Variants in CRYBG1 observed in about 807,000 individuals in gnomAD.
CRYBG1 encodes the protein beta/gamma crystallin domain-containing protein 1.
In CRYBG1, 139 loss-of-function variants were observed where a neutral mutation model predicts 189.2. That is an observed-to-expected ratio of 0.73 (90% CI 0.64 to 0.85). The LOEUF (loss-of-function observed/expected upper bound fraction) is 0.85, where lower values mean the gene tolerates loss of function less well. Ranked by LOEUF, CRYBG1 falls within the 40% of genes least tolerant of loss-of-function variation. CRYBG1 has a pLI of 0.00. For missense variants in CRYBG1, 2,611 were observed against 2,675.8 expected, an observed-to-expected ratio of 0.98 and a Z score of 0.53; for synonymous variants, 1,023 against 1,017.1, an observed-to-expected ratio of 1.01 and a Z score of -0.11.
In CRYBG1 at chr6:106,442,757, G is replaced by A. The variant is rs543607765; in HGVS notation, c.174-8937G>A. On this transcript the variant is annotated intron_variant, in intron 1 of 21. Coordinates refer to ENST00000633556, the MANE Select transcript of CRYBG1 (RefSeq NM_001371242.2). The stretch of plus-strand genomic sequence containing the variant: ...TTATATGCCACGGCAGAAACAAAGG[G>A]ACTCATACCCAGGAGCCCCTTAAAG... Among the ~76,000 whole-genome samples the A allele has an allele frequency of 2.6e-5, 4 of 152,250 alleles. No homozygotes were observed. In the East Asian group the frequency reaches 7.7e-4, roughly 29 times the overall value.
chr6:106,520,325 T>C lies in CRYBG1; in HGVS notation c.3117T>C (p.Pro1039=). 9.9e-6 allele frequency: 16 copies of C among 1,614,152 alleles called. No homozygotes were observed. The highest frequency in any genetic ancestry group is 1.4e-5 in the Non-Finnish European group (16 of 1,180,036). Residue 1039 remains proline (P), a synonymous_variant, in exon 4 of 22, where the codon CCT becomes CCC. Transcript: ENST00000633556. ...VIPPASEKTL[P]IQAQSQGSRT... ...CGCCAGCATCAGAGAAAACTCTGCCTATTCAGGCTCAAAGTCAGGGCAGCA... is the reference window on the plus strand; with the variant it reads ...CGCCAGCATCAGAGAAAACTCTGCCCATTCAGGCTCAAAGTCAGGGCAGCA...
chr6:106,373,342 G>T lies in CRYBG1; in HGVS notation c.173+12261G>T, dbSNP rs553307. Among the ~76,000 whole-genome samples, 15 of 152,052 alleles carry T rather than the reference G, an allele frequency of 9.9e-5. 1 individual carries two copies. Among genetic ancestry groups the T allele is most frequent in the South Asian group, 2.1e-4 (1 of 4,830 alleles). ...CCACAAAGTCTTAGTACCTGCTACT[G>T]GGGTGATTCACTGAGTATGTAAAGG... On this transcript the variant is annotated intron_variant, in intron 1 of 21. Transcript: ENST00000633556.
At chr6:106,363,117 G>A (rs1183876275) in intron 1 of CRYBG1, among the ~76,000 whole-genome samples, 1 of 150,436 alleles carries the variant, frequency 6.6e-6, no homozygotes, top group Non-Finnish European at 1.5e-5. Flanking sequence ...GGTGGCGCGC[G>A]CCTGTAGTCC....
At chr6:106,461,992 C>G (rs1055116611) in intron 2 of CRYBG1, among the ~76,000 whole-genome samples, 8 of 152,124 alleles carry the variant, frequency 5.3e-5, no homozygotes, top group Non-Finnish European at 1.2e-4. Context: ...TCCAATATTT[C>G]TTTAGTGATG....
At chr6:106,513,720 G>C (rs1435187431) in intron 3 of CRYBG1, among the ~76,000 whole-genome samples, 1 of 152,238 alleles carries the variant, frequency 6.6e-6, no homozygotes, top group East Asian at 1.9e-4. Flanking sequence ...TGTGACAGGT[G>C]TGAGTTTAAG....
At chr6:106,444,103 C>T (rs1015826836) in intron 1 of CRYBG1, among the ~76,000 whole-genome samples, 6 of 152,118 alleles carry the variant, frequency 3.9e-5, no homozygotes, top group Non-Finnish European at 8.8e-5. Flanking sequence ...CCCTCTTTTG[C>T]ATTATTAATT....
At chr6:106,464,002 C>T (rs1053447056) in intron 2 of CRYBG1, among the ~76,000 whole-genome samples, 2 of 152,106 alleles carry the variant, frequency 1.3e-5, no homozygotes, top group African/African-American at 2.4e-5. Flanking sequence ...GGGGAAAAAC[C>T]AAAATGTGTG....
At chr6:106,413,532 C>G (rs1770968320) in intron 1 of CRYBG1, among the ~76,000 whole-genome samples, 1 of 152,082 alleles carries the variant, frequency 6.6e-6, no homozygotes, top group African/African-American at 2.4e-5. Flanking sequence ...CAAAAATTAG[C>G]CTGGAGTGGT....
Position 106,496,037 on chromosome 6 carries a change from C to T in CRYBG1, c.313-15393C>T, listed in dbSNP as rs143667451. Among the ~76,000 whole-genome samples the T allele has an allele frequency of 5.3e-4, 81 of 152,230 alleles. No homozygotes were observed. In the East Asian group the frequency reaches 5.4e-3, roughly 10 times the overall value. ...CAAATGTGTTCCCAGTGGGTGTTGA[C>T]GGCCTTCTGCCCTCATCAGCCTGTC... is the stretch of plus-strand genomic sequence containing the variant. On this transcript the variant is annotated intron_variant, in intron 2 of 21. Coordinates refer to ENST00000633556, the MANE Select transcript of CRYBG1 (RefSeq NM_001371242.2).
intron 21 of CRYBG1, among the ~76,000 whole-genome samples, chr6:106,564,490 G>A (rs1386083085): frequency 6.6e-6 from 1 of 152,156 alleles, no homozygotes; most frequent in Non-Finnish European, 1.5e-5. Context: ...ATGGTGCTTG[G>A]GGGAGAATAA....
chr6:106,389,185 G>A (rs1365705049), intron 1 of CRYBG1, among the ~76,000 whole-genome samples: 1 of 151,782 alleles, frequency 6.6e-6, no homozygotes, highest in Non-Finnish European at 1.5e-5. Flanking sequence ...TTTGTTATAT[G>A]ATTTCTGTTT....
intron 2 of CRYBG1, among the ~76,000 whole-genome samples, chr6:106,479,727 G>C (rs1407546060): frequency 6.6e-6 from 1 of 152,090 alleles, no homozygotes; most frequent in Non-Finnish European, 1.5e-5. Context: ...ATCTTCTTTG[G>C]AGAAATGTCT....
At chr6:106,408,775 A>G (rs868107551) in intron 1 of CRYBG1, among the ~76,000 whole-genome samples, 6 of 152,240 alleles carry the variant, frequency 3.9e-5, no homozygotes, top group South Asian at 2.1e-4. Context: ...CAAAAACCAC[A>G]TGATTATCTC....
chr6:106,521,361 G>A lies in CRYBG1; in HGVS notation c.4153G>A (p.Ala1385Thr). The change falls in exon 4 of 22, where the codon GCA (alanine) becomes ACA (threonine). Residue 1385 changes from alanine (A) to threonine (T), a missense_variant. By Grantham distance (58) the Ala-to-Thr change is moderately conservative. Around this residue, in one of 3 missense-constraint regions of CRYBG1, gnomAD observed 1,622 missense variants for 1,735.0 expected, o/e 0.93. Coordinates refer to ENST00000633556, the MANE Select transcript of CRYBG1 (RefSeq NM_001371242.2). ...SVIKSNLPNC[A>T]NSDTDFMGLF... ...TATTAAATCAAACTTGCCAAACTGT[G>A]CAAACAGTGACACCGACTTCATGGG... 1 of 1,614,032 alleles carries A rather than the reference G, an allele frequency of 6.2e-7. No homozygotes were observed. The highest frequency in any genetic ancestry group is 8.5e-7 in the Non-Finnish European group (1 of 1,179,984).
At chr6:106,522,749 C>G (rs1298987910) in intron 4 of CRYBG1, among the ~76,000 whole-genome samples, 1 of 152,168 alleles carries the variant, frequency 6.6e-6, no homozygotes, top group Non-Finnish European at 1.5e-5. Flanking sequence ...GTACAGGGTA[C>G]TGCAGCATGG....
intron 1 of CRYBG1, among the ~76,000 whole-genome samples, chr6:106,375,240 G>T (rs904981283): frequency 2.0e-5 from 3 of 151,960 alleles, no homozygotes; most frequent in East Asian, 3.9e-4. Flanking sequence ...TTTGAAATTA[G>T]CCAGGCGTGG....
At chr6:106,450,547 C>T (rs1771763154) in intron 1 of CRYBG1, among the ~76,000 whole-genome samples, 1 of 152,216 alleles carries the variant, frequency 6.6e-6, no homozygotes, top group African/African-American at 2.4e-5. Context: ...CTGCAGACAG[C>T]AAGGAACACC....
chr6:106,525,784 T>G, intron 6 of CRYBG1, among the ~76,000 whole-genome samples: 1 of 151,806 alleles, frequency 6.6e-6, no homozygotes, highest in Non-Finnish European at 1.5e-5. Context: ...TAAGGAAACT[T>G]GAGAACACGT....
At chr6:106,448,364 C>G (rs4588718) in intron 1 of CRYBG1, among the ~76,000 whole-genome samples, 113,165 of 152,130 alleles carry the variant, frequency 0.74, 42,625 homozygotes, top group African/African-American at 0.86. Flanking sequence ...GATGGTGAAG[C>G]AAGGGCCGTC....
Sources: gnomAD v4.1 joint callset for allele counts (sites outside exome capture counted in the v4.1 genomes callset) on GRCh38, gnomAD v4.1.1 for gene constraint, gnomAD v4.1.1 regional missense constraint, MANE v1.5 for transcripts, NCBI Gene and HGNC (gene_info 2026-07-23, HGNC 2026-07-21) for gene names.